KALRN: variants seen among roughly 807,000 people sequenced by gnomAD.
KALRN encodes kalirin RhoGEF kinase, also known as kalirin.
Under a neutral mutation model 353.7 loss-of-function variants are expected in KALRN, and 70 were observed. That is an observed-to-expected ratio of 0.20 (90% CI 0.16 to 0.24). The LOEUF is 0.24. Ranked by LOEUF, KALRN falls within the 10% of genes least tolerant of loss-of-function variation. KALRN has a pLI of 1.00. For synonymous variants in KALRN, 1,391 were observed against 1,434.8 expected, an observed-to-expected ratio of 0.97 and a Z score of 0.69; for missense variants, 2,791 against 3,756.7, an observed-to-expected ratio of 0.74 and a Z score of 6.72.
chr3:124,138,776 AG>A (rs1327568717), intron 1 of KALRN, among the ~76,000 whole-genome samples: 2 of 152,138 alleles, frequency 1.3e-5, no homozygotes, highest in Admixed American at 1.3e-4. Context: ...GTGAGTACAG[AG>A]GGGGTAACTC....
chr3:124,308,941 C>T (rs559132925), intron 6 of KALRN, among the ~76,000 whole-genome samples: 1 of 151,798 alleles, frequency 6.6e-6, no homozygotes, highest in Non-Finnish European at 1.5e-5. Flanking sequence ...AAAAAAATTA[C>T]TAGACTCAGA....
At chr3:124,594,037 T>C (rs1484882603) in intron 34 of KALRN, among the ~76,000 whole-genome samples, 1 of 151,922 alleles carries the variant, frequency 6.6e-6, no homozygotes, top group African/African-American at 2.4e-5. Context: ...CAGAAAAAAA[T>C]CAAAACTTAG....
At chr3:124,369,043 A>AGAGAGGGAGACCGTGGG (rs2085450605) in intron 10 of KALRN, among the ~76,000 whole-genome samples, 3 of 148,438 alleles carry the variant, frequency 2.0e-5, no homozygotes, top group African/African-American at 5.1e-5. Flanking sequence ...GACCGTGGAA[A>AGAGAGGGAGACCGTGGG]GAGAGGGAGA....
In KALRN at chr3:124,394,390, A is replaced by G. The variant is rs117890488; in HGVS notation, c.1963-745A>G. On this transcript the variant is annotated intron_variant, in intron 11 of 59. Transcript: ENST00000682506. ...AGGCCACTGGAGACCTGTATTCAGT[A>G]TGATGAGGAAAAGCTATCAATAAAT... 2.2e-4 allele frequency among the ~76,000 whole-genome samples: 34 copies of G among 152,370 alleles called. No individual in the cohort carries two copies. The East Asian group carries it at 6.5e-3, about 29-fold the overall frequency.
At chr3:124,298,040 T>C (rs1267835070) in intron 5 of KALRN, among the ~76,000 whole-genome samples, 1 of 152,210 alleles carries the variant, frequency 6.6e-6, no homozygotes, top group Admixed American at 6.5e-5. Context: ...ATCCCATTGG[T>C]TGGGAAATGT....
At chr3:124,097,833 A>C (rs1208981439) in intron 1 of KALRN, among the ~76,000 whole-genome samples, 1 of 152,166 alleles carries the variant, frequency 6.6e-6, no homozygotes. Context: ...CATTATTTTG[A>C]TGATTTATTC....
chr3:124,198,740 C>T (rs1176106704), intron 1 of KALRN, among the ~76,000 whole-genome samples: 1 of 151,812 alleles, frequency 6.6e-6, no homozygotes, highest in Non-Finnish European at 1.5e-5. Flanking sequence ...AGACAAAAGT[C>T]TGTGGCTTTC....
In KALRN at chr3:124,229,690, C is replaced by G. The variant is rs901798355; in HGVS notation, c.148+1626C>G. 3.3e-5 allele frequency among the ~76,000 whole-genome samples: 5 copies of G among 152,226 alleles called. No homozygotes were observed. In the East Asian group the frequency reaches 7.7e-4, roughly 23 times the overall value. On this transcript the variant is annotated intron_variant, in intron 2 of 59. Transcript: ENST00000682506. Reference sequence around the variant, plus strand: ...CACCTCATCGGAGAAAAGGCGAGAGCCTGATGATTCAGAGTGTAGGTGTGG... The same window carrying G: ...CACCTCATCGGAGAAAAGGCGAGAGGCTGATGATTCAGAGTGTAGGTGTGG...
At chr3:124,501,385 G>A (rs532315485) in intron 33 of KALRN, among the ~76,000 whole-genome samples, 17 of 152,216 alleles carry the variant, frequency 1.1e-4, no homozygotes, top group East Asian at 3.9e-4. Flanking sequence ...TGAGATTTTC[G>A]GATATAACTC....
chr3:124,241,059 C>T (rs879318901), intron 3 of KALRN, among the ~76,000 whole-genome samples: 7 of 152,062 alleles, frequency 4.6e-5, no homozygotes, highest in Non-Finnish European at 8.8e-5. Context: ...AATAATAAAG[C>T]GAGCACTTGA....
intron 11 of KALRN, among the ~76,000 whole-genome samples, chr3:124,394,084 C>T (rs2089847754): frequency 6.6e-6 from 1 of 152,204 alleles, no homozygotes. Context: ...TTATTTTGTG[C>T]TTTCCCCAAC....
chr3:124,446,839 C>T lies in KALRN; in HGVS notation c.3506C>T (p.Thr1169Ile), dbSNP rs2093856280. 1.2e-6 allele frequency: 2 copies of T among 1,613,932 alleles called. No homozygotes were observed. Among genetic ancestry groups the T allele is most frequent in the Non-Finnish European group, 1.7e-6 (2 of 1,179,960 alleles). Residue 1169 changes from threonine (T) to isoleucine (I), a missense_variant, in exon 21 of 60, where the codon ACT (threonine) becomes ATT (isoleucine). Transcript: ENST00000682506. The part of the protein sequence containing the change: ...HTSTGETTEE[T>I]QELLKEYGEF... ...TCCACTGGAGAGACCACAGAGGAGACTCAGGAACTGCTGAAAGAATATGGG... is the reference window on the plus strand; with the variant it reads ...TCCACTGGAGAGACCACAGAGGAGATTCAGGAACTGCTGAAAGAATATGGG...
chr3:124,664,368 T>TGC (rs1347109561), intron 45 of KALRN, among the ~76,000 whole-genome samples: 1,588 of 132,126 alleles, frequency 0.012, 25 homozygotes, highest in African/African-American at 0.036. Context: ...TGTGTGTGTG[T>TGC]GTGCGCGCGC....
intron 10 of KALRN, among the ~76,000 whole-genome samples, chr3:124,356,767 T>C (rs2083463990): frequency 6.6e-6 from 1 of 152,204 alleles, no homozygotes. Flanking sequence ...TGGCTGGTCC[T>C]GATTAAACTC....
At chr3:124,622,930 A>ATT (rs5852414) in intron 34 of KALRN, among the ~76,000 whole-genome samples, 20,763 of 151,846 alleles carry the variant, frequency 0.14, 1,738 homozygotes, top group Admixed American at 0.2. Context: ...GGGGAGTAGC[A>ATT]TTTTTTTTAG....
At chr3:124,663,751 G>GT (rs201621922) in intron 45 of KALRN, among the ~76,000 whole-genome samples, 1,855 of 151,482 alleles carry the variant, frequency 0.012, 39 homozygotes, top group African/African-American at 0.042. Flanking sequence ...TTTGTTTTTT[G>GT]TTTTTTTTCT....
intron 1 of KALRN, among the ~76,000 whole-genome samples, chr3:124,151,229 A>T (rs1165648041): frequency 6.6e-6 from 1 of 152,180 alleles, no homozygotes; most frequent in Non-Finnish European, 1.5e-5. Flanking sequence ...ATGGGGTATG[A>T]GTATGTTTAG....
intron 34 of KALRN, among the ~76,000 whole-genome samples, chr3:124,626,195 T>C (rs2079930529): frequency 6.6e-6 from 1 of 152,244 alleles, no homozygotes. Context: ...ATGATAATTA[T>C]ATAAACTATA....
intron 1 of KALRN, among the ~76,000 whole-genome samples, chr3:124,169,437 G>GGTT (rs1353628991): frequency 6.6e-6 from 1 of 152,136 alleles, no homozygotes; most frequent in African/African-American, 2.4e-5. Flanking sequence ...CTGAGCCAGT[G>GGTT]GTTGATGTTT....
Sources: gnomAD v4.1 joint callset for allele counts (sites outside exome capture counted in the v4.1 genomes callset) on GRCh38, gnomAD v4.1.1 for gene constraint, MANE v1.5 for transcripts, NCBI Gene and HGNC (gene_info 2026-07-23, HGNC 2026-07-21) for gene names.